COL27A1: variants seen among roughly 807,000 people sequenced by gnomAD.
COL27A1 encodes the protein collagen alpha-1(XXVII) chain.
A neutral mutation model predicts 251.3 loss-of-function variants in COL27A1; 106 were observed. The observed-to-expected ratio is 0.42, with a 90% CI of 0.36 to 0.50. The LOEUF (loss-of-function observed/expected upper bound fraction) is 0.50. Among genes scored for constraint, COL27A1 ranks in the 20% least tolerant of loss-of-function variants. The pLI is 0.00. For missense variants in COL27A1, 2,325 were observed against 2,522.8 expected (o/e 0.92, Z 1.68); for synonymous variants, 1,000 against 986.3 (o/e 1.01, Z -0.26).
intron 7 of COL27A1, among the ~76,000 whole-genome samples, chr9:114,203,710 TAA>T (rs927116281): frequency 2.5e-4 from 38 of 152,170 alleles, no homozygotes; most frequent in African/African-American, 8.2e-4. Flanking sequence ...CTGTTTATAA[TAA>T]AGAGTCCCCA....
intron 29 of COL27A1, 106 bp downstream of exon 29, chr9:114,264,514 G>C: frequency 1.1e-6 from 1 of 906,416 alleles, no homozygotes. Flanking sequence ...GGACAACAAA[G>C]GGAGCCCCAT....
At chr9:114,158,116 A>G (rs879749926) in intron 1 of COL27A1, among the ~76,000 whole-genome samples, 7 of 152,158 alleles carry the variant, frequency 4.6e-5, no homozygotes, top group Non-Finnish European at 7.4e-5. Context: ...TGGCCAGTCC[A>G]TGGAGGCAGG....
chr9:114,254,682 G>A (rs926004469), intron 27 of COL27A1, among the ~76,000 whole-genome samples: 1 of 152,178 alleles, frequency 6.6e-6, no homozygotes, highest in African/African-American at 2.4e-5. Context: ...GCCTTTCATG[G>A]TTTGAACCCA....
chr9:114,263,760 C>G (rs1323936471), intron 28 of COL27A1, among the ~76,000 whole-genome samples: 2 of 152,160 alleles, frequency 1.3e-5, no homozygotes, highest in Non-Finnish European at 2.9e-5. Context: ...GGAGCAGTAG[C>G]CTGACTCCCA....
At chr9:114,267,458 G>A (rs760037341) in intron 33 of COL27A1, 46 bp from the exon 34 acceptor site, 1 of 1,564,616 alleles carries the variant, frequency 6.4e-7, no homozygotes, top group East Asian at 2.4e-5. Flanking sequence ...CTTACAACCA[G>A]GGGGCAGCTC....
chr9:114,258,602 G>A lies in COL27A1; in HGVS notation c.3195+8G>A, dbSNP rs75890035. ...GGAGCAAAGGGACGTCGGGTAAGTC[G>A]AGCCCAGCTCCTGGGGGCTGATGCT... On this transcript the variant is annotated splice_region_variant and intron_variant, in intron 28 of 60. Transcript: ENST00000356083. The A allele has an allele frequency of 2.1e-3, 3,391 of 1,613,620 alleles. 63 individuals are homozygous for A. In the African/African-American group the frequency reaches 0.04, roughly 19 times the overall value.
chr9:114,290,150 G>GCCCCCCCCCCC lies in COL27A1; in HGVS notation c.4260+42_4260+43insCCCCCCCCCCC. The stretch of plus-strand genomic sequence containing the variant: ...GCTGCTGTTTCCAGCCAACCTCCCT[G>GCCCCCCCCCCC]CCCGCCCCCCACACCCGCCCTCCTC... On this transcript the variant is annotated intron_variant, in intron 46 of 60. Transcript: ENST00000356083. This position sits in a 1 kb window ranked among gnomAD's most constrained non-coding sequence, Gnocchi z 4.6. 5.6e-6 allele frequency: 9 copies of GCCCCCCCCCCC among 1,593,410 alleles called. No individual in the cohort carries two copies. The highest frequency in any genetic ancestry group is 4.5e-5 in the East Asian group (2 of 44,406).
Position 114,292,086 on chromosome 9 carries a change from TTG to T in COL27A1, c.4477-11_4477-10del, listed in dbSNP as rs1379301309. 3 of 1,551,208 alleles carry T rather than the reference TTG, an allele frequency of 1.9e-6. No homozygotes were observed. Among genetic ancestry groups the T allele is most frequent in the South Asian group, 1.2e-5 (1 of 84,052 alleles). On this transcript the variant is annotated splice_polypyrimidine_tract_variant and intron_variant, in intron 48 of 60. Coordinates refer to ENST00000356083, the MANE Select transcript of COL27A1 (RefSeq NM_032888.4). ...CCTTCCCACTTTGACTGGTAATTTT[TTG>T]TGTGTTTCTTTAAGGGTGAGAGTGG...
At chr9:114,182,194 TAATA>T (rs1564439197) in intron 4 of COL27A1, among the ~76,000 whole-genome samples, 3 of 147,356 alleles carry the variant, frequency 2.0e-5, no homozygotes, top group Non-Finnish European at 4.5e-5. Context: ...AATAATAAAA[TAATA>T]AAAATAATAA....
intron 54 of COL27A1, 26 bp downstream of exon 54, chr9:114,301,488 T>C (rs1389407459): frequency 1.4e-6 from 1 of 739,136 alleles, no homozygotes; most frequent in African/African-American, 2.0e-5. Context: ...ATGAGGGCTG[T>C]GGGGCGGGGC....
In COL27A1 at chr9:114,301,298, C is replaced by T; in HGVS notation, c.4770C>T (p.Asp1590=). The T allele has an allele frequency of 6.3e-7, 1 of 1,580,532 alleles. No homozygotes were observed. The highest frequency in any genetic ancestry group is 8.6e-7 in the Non-Finnish European group (1 of 1,162,180). ...GTTTGTTGCAGGGTCCGAAGGGTGA[C>T]AAAGGCAGCCGTGGGGACTGGGTAA... ...GPSGLPGPKG[D]KGSRGDWGLQ... The change falls in exon 53 of 61, where the codon GAC becomes GAT. Residue 1590 remains aspartate, a synonymous_variant. Transcript: ENST00000356083.
intron 48 of COL27A1, 108 bp from the exon 49 acceptor site, chr9:114,291,995 G>C: frequency 1.0e-6 from 1 of 977,136 alleles, no homozygotes; most frequent in Non-Finnish European, 1.6e-6. Context: ...CTGCAATCTC[G>C]GGTACCCTGT....
intron 3 of COL27A1, among the ~76,000 whole-genome samples, chr9:114,172,923 C>T (rs1193648921): frequency 6.6e-6 from 1 of 152,232 alleles, no homozygotes; most frequent in Non-Finnish European, 1.5e-5. Context: ...GGACAGCTCT[C>T]CCCTTAGAAA....
At chr9:114,209,147 C>G (rs2135324362) in intron 10 of COL27A1, among the ~76,000 whole-genome samples, 1 of 152,300 alleles carries the variant, frequency 6.6e-6, no homozygotes, top group South Asian at 2.1e-4. Flanking sequence ...TTGTGAGAGT[C>G]TAATGTGGTA....
In COL27A1 at chr9:114,290,656, T is replaced by C. The variant is rs1588881634; in HGVS notation, c.4369-154T>C. Among the ~76,000 whole-genome samples the C allele has an allele frequency of 6.6e-6, 1 of 152,166 alleles. No individual in the cohort carries two copies. Among genetic ancestry groups the C allele is most frequent in the Admixed American group, 6.5e-5 (1 of 15,282 alleles). On this transcript the variant is annotated intron_variant, in intron 47 of 60. Coordinates refer to ENST00000356083, the MANE Select transcript of COL27A1 (RefSeq NM_032888.4). The surrounding 1 kb of genome is among the most constrained non-coding windows in gnomAD (Gnocchi z 4.6). Reference sequence around the variant, plus strand: ...TCCTCAGCTCCTCCTGTCCTCCTGGTCCAGCCACATCACACACAGGCCGTC... The same window carrying C: ...TCCTCAGCTCCTCCTGTCCTCCTGGCCCAGCCACATCACACACAGGCCGTC...
At chr9:114,160,153 CTATTTTTT>C (rs1848391832) in intron 1 of COL27A1, among the ~76,000 whole-genome samples, 1 of 129,904 alleles carries the variant, frequency 7.7e-6, no homozygotes, top group South Asian at 2.7e-4. Context: ...TTTTTAAAGT[CTATTTTTT>C]TTTTTTTTTT....
chr9:114,187,209 G>GATCA (rs1221437152), intron 5 of COL27A1, among the ~76,000 whole-genome samples: 1 of 152,272 alleles, frequency 6.6e-6, no homozygotes, highest in African/African-American at 2.4e-5. Context: ...GGGCACTTGA[G>GATCA]ATCAGAGATG....
chr9:114,202,262 T>C (rs1829629988), intron 7 of COL27A1, among the ~76,000 whole-genome samples: 1 of 152,206 alleles, frequency 6.6e-6, no homozygotes, highest in Non-Finnish European at 1.5e-5. Flanking sequence ...TCAGCAGAGT[T>C]CTTGTGGCTG....
Position 114,290,044 on chromosome 9 carries a change from C to T in COL27A1, c.4207-14C>T. 6.2e-7 allele frequency: 1 copy of T among 1,611,592 alleles called. No homozygotes were observed. Among genetic ancestry groups the T allele is most frequent in the South Asian group, 1.1e-5 (1 of 90,988 alleles). On this transcript the variant is annotated splice_polypyrimidine_tract_variant and intron_variant, in intron 45 of 60. Coordinates refer to ENST00000356083, the MANE Select transcript of COL27A1 (RefSeq NM_032888.4). The surrounding 1 kb of genome is among the most constrained non-coding windows in gnomAD (Gnocchi z 4.6). ...TACCAGGCAGCCTCCATCATGTGGC[C>T]CTTGATTTTTCAGGGACCAAAGGGA... is the stretch of plus-strand genomic sequence containing the variant.
Sources: allele counts gnomAD v4.1 joint callset (sites outside exome capture counted in the v4.1 genomes callset), GRCh38; gene constraint gnomAD v4.1.1; non-coding constraint Gnocchi (gnomAD v3.1); transcripts MANE v1.5; gene names NCBI Gene and HGNC (gene_info 2026-07-23, HGNC 2026-07-21).